The following SNX29 variants were observed in gnomAD, a reference collection of about 807,000 sequenced individuals.
SNX29 encodes sorting nexin-29.
SNX29 carries 78 observed loss-of-function variants against 102.1 expected under a neutral mutation model. That is an observed-to-expected ratio of 0.76 (90% CI 0.64 to 0.92). The LOEUF is 0.92. SNX29 is among the 40% of genes least tolerant of loss of function. The probability of loss-of-function intolerance (pLI) is 0.00; values close to 1 mark genes in which losing one functional copy is unlikely to be tolerated. For synonymous variants in SNX29, 580 were observed against 414.5 expected, an observed-to-expected ratio of 1.40 and a Z score of -4.85; for missense variants, 1,280 against 1,061.7, an observed-to-expected ratio of 1.21 and a Z score of -2.86.
At chr16:12,558,068 G>A (rs1055528692) in intron 20 of SNX29, among the ~76,000 whole-genome samples, 1 of 152,212 alleles carries the variant, frequency 6.6e-6, no homozygotes, top group African/African-American at 2.4e-5. Flanking sequence ...ACATGATTGT[G>A]CTCTGAACAT....
At chr16:11,988,258 C>T (rs1263732479) in intron 1 of SNX29, among the ~76,000 whole-genome samples, 1 of 147,864 alleles carries the variant, frequency 6.8e-6, no homozygotes, top group Non-Finnish European at 1.5e-5. Context: ...CATGCCACTG[C>T]ACTCCAGCCT....
At chr16:12,039,304 T>C (rs1182421255) in intron 4 of SNX29, among the ~76,000 whole-genome samples, 3 of 152,136 alleles carry the variant, frequency 2.0e-5, no homozygotes, top group East Asian at 3.8e-4. Flanking sequence ...TTCTGCACTT[T>C]TGTGTTGATT....
intron 18 of SNX29, among the ~76,000 whole-genome samples, chr16:12,431,212 A>C (rs1367986946): frequency 6.6e-6 from 1 of 152,064 alleles, no homozygotes; most frequent in African/African-American, 2.4e-5. Flanking sequence ...GAGCTCTCCC[A>C]GGCCCCAAGA....
chr16:12,463,245 C>T (rs774517669), intron 18 of SNX29, among the ~76,000 whole-genome samples: 2 of 152,392 alleles, frequency 1.3e-5, no homozygotes, highest in Middle Eastern at 3.4e-3. Flanking sequence ...CGTATATCCA[C>T]ACAACACAAC....
At chr16:12,177,461 G>A (rs1296761385) in intron 13 of SNX29, among the ~76,000 whole-genome samples, 1 of 152,100 alleles carries the variant, frequency 6.6e-6, no homozygotes, top group Non-Finnish European at 1.5e-5. Flanking sequence ...CCCTCCTGTG[G>A]TCTTTGTCCC....
chr16:12,572,159 T>A lies in SNX29; in HGVS notation c.*3530T>A. 1.0e-6 allele frequency: 1 copy of A among 986,366 alleles called. No homozygotes were observed. Among genetic ancestry groups the A allele is most frequent in the Non-Finnish European group, 1.2e-6 (1 of 808,038 alleles). The allele number at this position is 986,366 out of a possible 1,614,324, so 61.1% of individuals were successfully genotyped here. On this transcript the variant is annotated 3_prime_UTR_variant, in exon 21 of 21. Coordinates refer to ENST00000566228, the MANE Select transcript of SNX29 (RefSeq NM_032167.5). ...ACTTTGGAGCTTATTAAGATCAATT[T>A]TGATAACCATGTAATTTCTTAGAAC... is the stretch of plus-strand genomic sequence containing the variant.
At chr16:12,076,498 C>T (rs1402795304) in intron 10 of SNX29, among the ~76,000 whole-genome samples, 2 of 152,104 alleles carry the variant, frequency 1.3e-5, no homozygotes, top group African/African-American at 2.4e-5. Context: ...GACGGAGTTT[C>T]GCCATGTTGG....
At chr16:12,538,012 C>A (rs933126454) in intron 20 of SNX29, among the ~76,000 whole-genome samples, 2 of 151,312 alleles carry the variant, frequency 1.3e-5, no homozygotes, top group Non-Finnish European at 2.9e-5. Context: ...AATTGTCTGC[C>A]ATTTATAGAC....
At chr16:12,196,622 CTTTTTTTTTT>C (rs34779383) in intron 13 of SNX29, among the ~76,000 whole-genome samples, 2 of 129,662 alleles carry the variant, frequency 1.5e-5, no homozygotes, top group East Asian at 4.4e-4. Context: ...TTTCTTTTTT[CTTTTTTTTTT>C]TTTTTTGGAG....
chr16:11,992,165 A>G (rs1355011454), intron 1 of SNX29, among the ~76,000 whole-genome samples: 5 of 152,038 alleles, frequency 3.3e-5, no homozygotes, highest in African/African-American at 4.8e-5. Flanking sequence ...GTGGTGGTGC[A>G]TGCCTGTAGT....
At chr16:12,447,621 C>G (rs2086121264) in intron 18 of SNX29, among the ~76,000 whole-genome samples, 2 of 152,188 alleles carry the variant, frequency 1.3e-5, no homozygotes, top group Non-Finnish European at 2.9e-5. Context: ...GCTGTGAGAC[C>G]CGAATGGTGG....
chr16:12,371,337 C>T (rs1318746896), intron 16 of SNX29, among the ~76,000 whole-genome samples: 1 of 151,980 alleles, frequency 6.6e-6, no homozygotes, highest in African/African-American at 2.4e-5. Flanking sequence ...CTTTCTCTGT[C>T]CCTCAGGCTG....
chr16:12,493,242 G>T (rs904770892), intron 19 of SNX29, among the ~76,000 whole-genome samples: 1 of 152,118 alleles, frequency 6.6e-6, no homozygotes, highest in Non-Finnish European at 1.5e-5. Context: ...CCTTGAAGAG[G>T]TCCTTCACAT....
chr16:12,069,095 G>A lies in SNX29; in HGVS notation c.1282G>A (p.Glu428Lys), dbSNP rs759746888. Reference sequence around the variant, plus strand: ...AAGCCTGGAGAACGGGACAGGACCAGAGGACCACGTTCTCCCAGATCCTGG... The same window carrying A: ...AAGCCTGGAGAACGGGACAGGACCAAAGGACCACGTTCTCCCAGATCCTGG... ...LGSLENGTGP[E>K]DHVLPDPGLR... is the part of the protein sequence containing the mutation. The change falls in exon 10 of 21, where the codon GAG becomes AAG. Residue 428 changes from glutamate (E) to lysine (K), a missense_variant. By Grantham distance (56) the Glu-to-Lys change is moderately conservative (BLOSUM62 1). Transcript: ENST00000566228. 2 of 1,613,818 alleles carry A rather than the reference G, an allele frequency of 1.2e-6. No individual in the cohort carries two copies. Among genetic ancestry groups the A allele is most frequent in the Non-Finnish European group, 8.5e-7 (1 of 1,179,778 alleles).
intron 11 of SNX29, among the ~76,000 whole-genome samples, chr16:12,111,073 A>G (rs1228165852): frequency 6.6e-6 from 1 of 152,102 alleles, no homozygotes; most frequent in Admixed American, 6.5e-5. Context: ...TGGCTTCTCA[A>G]AGTACTGCGA....
At chr16:12,548,780 A>G (rs759935103) in intron 20 of SNX29, among the ~76,000 whole-genome samples, 7 of 152,160 alleles carry the variant, frequency 4.6e-5, no homozygotes, top group African/African-American at 9.7e-5. Context: ...CCCAGCCACC[A>G]CAGTGCTGGG....
At chr16:12,563,598 G>A (rs556611129) in intron 20 of SNX29, among the ~76,000 whole-genome samples, 1 of 126,152 alleles carries the variant, frequency 7.9e-6, no homozygotes, top group Non-Finnish European at 1.8e-5. Flanking sequence ...CTCCATGTCT[G>A]TATCACCACA....
intron 16 of SNX29, among the ~76,000 whole-genome samples, chr16:12,360,508 A>G (rs2082270812): frequency 6.6e-6 from 1 of 152,150 alleles, no homozygotes; most frequent in Non-Finnish European, 1.5e-5. Flanking sequence ...TTTTTGCCCC[A>G]ACGATGTCAC....
intron 15 of SNX29, among the ~76,000 whole-genome samples, chr16:12,296,251 T>C (rs1422899126): frequency 6.6e-6 from 1 of 152,216 alleles, no homozygotes. Context: ...TGTGATGGCA[T>C]GTATTTTAAA....
Sources: gnomAD v4.1 joint callset for allele counts (sites outside exome capture counted in the v4.1 genomes callset) on GRCh38, gnomAD v4.1.1 for gene constraint, MANE v1.5 for transcripts, NCBI Gene and HGNC (gene_info 2026-07-23, HGNC 2026-07-21) for gene names.